The following HCRTR2 variants were observed in gnomAD, a reference collection of about 807,000 sequenced individuals.
HCRTR2 encodes orexin receptor type 2.
A neutral mutation model predicts 49.0 loss-of-function variants in HCRTR2; 22 were observed. The ratio of observed to expected loss-of-function variants is 0.45; its 90% CI spans 0.32 to 0.64. The LOEUF is 0.64. HCRTR2 is among the 30% of genes least tolerant of loss of function. The probability of loss-of-function intolerance (pLI) is 0.04; values close to 1 mark genes in which losing one functional copy is unlikely to be tolerated. For synonymous variants in HCRTR2, 236 were observed against 205.3 expected (o/e 1.15, Z -1.28); for missense variants, 491 against 559.4 (o/e 0.88, Z 1.23).
chr6:55,254,980 CT>C (rs1237809110), intron 2 of HCRTR2, among the ~76,000 whole-genome samples, 155 bp from the exon 3 acceptor site: 1 of 151,956 alleles, frequency 6.6e-6, no homozygotes, highest in Non-Finnish European at 1.5e-5. Flanking sequence ...GATATAATTT[CT>C]TTTTAAATAG....
intron 1 of HCRTR2, among the ~76,000 whole-genome samples, chr6:55,223,415 C>A (rs1031523492): frequency 3.9e-5 from 6 of 152,120 alleles, no homozygotes; most frequent in African/African-American, 9.7e-5. Context: ...AATACAGCAT[C>A]GCTTTTAAAA....
chr6:55,181,211 A>C (rs758776782), intron 1 of HCRTR2, among the ~76,000 whole-genome samples: 5 of 152,158 alleles, frequency 3.3e-5, no homozygotes, highest in Non-Finnish European at 7.4e-5. Context: ...AATGACCTTT[A>C]GATACTGACT....
intron 1 of HCRTR2, among the ~76,000 whole-genome samples, chr6:55,145,394 T>TG (rs761107214): frequency 1.2e-3 from 16 of 13,426 alleles, no homozygotes; most frequent in East Asian, 0.036. Context: ...ACATTCTTTG[T>TG]TTTTTTTTTT....
intron 1 of HCRTR2, among the ~76,000 whole-genome samples, chr6:55,218,236 A>T (rs1487387815): frequency 6.6e-6 from 1 of 152,182 alleles, no homozygotes; most frequent in Non-Finnish European, 1.5e-5. Context: ...ATACTGTTAC[A>T]TTGGGGATGA....
At chr6:55,156,867 G>T (rs1311909789) in intron 1 of HCRTR2, among the ~76,000 whole-genome samples, 1 of 151,936 alleles carries the variant, frequency 6.6e-6, no homozygotes, top group Non-Finnish European at 1.5e-5. Flanking sequence ...CACAGACTAG[G>T]AATAGAAGGG....
chr6:55,206,201 T>G (rs568842226), intron 1 of HCRTR2, among the ~76,000 whole-genome samples: 1 of 152,102 alleles, frequency 6.6e-6, no homozygotes, highest in East Asian at 1.9e-4. Flanking sequence ...GAGTTATGGC[T>G]CAAGAGCTTT....
At chr6:55,121,922 C>CT (rs146134393) in intron 1 of HCRTR2, among the ~76,000 whole-genome samples, 1 of 152,006 alleles carries the variant, frequency 6.6e-6, no homozygotes, top group African/African-American at 2.4e-5. Flanking sequence ...CTAAAATTCT[C>CT]TTTTTTGTTG....
chr6:55,144,099 CTT>C (rs530138605), intron 1 of HCRTR2, among the ~76,000 whole-genome samples: 4 of 85,384 alleles, frequency 4.7e-5, no homozygotes, highest in African/African-American at 2.4e-4. Flanking sequence ...CCCGTCCTGC[CTT>C]TTTTTTTTTT....
At chr6:55,260,842 A>G (rs1766740887) in intron 3 of HCRTR2, among the ~76,000 whole-genome samples, 1 of 152,180 alleles carries the variant, frequency 6.6e-6, no homozygotes, top group South Asian at 2.1e-4. Flanking sequence ...CATCATGCTT[A>G]TTATTGATTA....
rs80351984 is a variant in HCRTR2 at position 55,254,198 on chromosome 6, A to G, written c.403-938A>G. On this transcript the variant is annotated intron_variant, in intron 2 of 6. Coordinates refer to ENST00000370862, the MANE Select transcript of HCRTR2 (RefSeq NM_001384272.1). ...AAGCAAATTAAGCAAATAATTTACT[A>G]CATTATACATGCTGAAAGAAAAATA... 7.9e-5 allele frequency among the ~76,000 whole-genome samples: 12 copies of G among 152,068 alleles called. No individual in the cohort carries two copies. The East Asian group carries it at 2.3e-3, about 29-fold the overall frequency.
intron 1 of HCRTR2, among the ~76,000 whole-genome samples, chr6:55,219,226 C>CT (rs1163360397): frequency 6.6e-6 from 1 of 152,200 alleles, no homozygotes; most frequent in Non-Finnish European, 1.5e-5. Flanking sequence ...AAAATTCCAT[C>CT]TAACAGCACC....
chr6:55,231,020 C>A (rs1438283231), intron 1 of HCRTR2, among the ~76,000 whole-genome samples: 1 of 152,042 alleles, frequency 6.6e-6, no homozygotes, highest in Non-Finnish European at 1.5e-5. Flanking sequence ...TACCCATAGG[C>A]CCTTGCTATT....
intron 5 of HCRTR2, among the ~76,000 whole-genome samples, chr6:55,278,282 A>T (rs1767118373): frequency 6.6e-6 from 1 of 152,174 alleles, no homozygotes; most frequent in African/African-American, 2.4e-5. Flanking sequence ...TACACACTAA[A>T]CTTCATGGCC....
intron 1 of HCRTR2, among the ~76,000 whole-genome samples, chr6:55,113,479 A>T (rs1396763590): frequency 1.3e-5 from 2 of 152,118 alleles, no homozygotes; most frequent in Admixed American, 1.3e-4. Context: ...GGACATGAAT[A>T]GACATTTCTC....
intron 6 of HCRTR2, among the ~76,000 whole-genome samples, chr6:55,280,829 T>C (rs1186544998): frequency 2.0e-5 from 3 of 152,196 alleles, no homozygotes; most frequent in African/African-American, 7.2e-5. Flanking sequence ...AGAATTGGGA[T>C]CTATTCACTT....
chr6:55,175,447 G>T (rs1765022924), intron 1 of HCRTR2, among the ~76,000 whole-genome samples: 1 of 151,982 alleles, frequency 6.6e-6, no homozygotes. Flanking sequence ...GGGCATCGGA[G>T]AAAAGTACCA....
chr6:55,244,818 A>T (rs1766399852), intron 1 of HCRTR2, among the ~76,000 whole-genome samples: 1 of 152,056 alleles, frequency 6.6e-6, no homozygotes, highest in Admixed American at 6.6e-5. Context: ...TCTTTAATCC[A>T]TCTTCAGTTG....
chr6:55,112,886 A>T (rs1447499424), intron 1 of HCRTR2, among the ~76,000 whole-genome samples: 1 of 152,090 alleles, frequency 6.6e-6, no homozygotes, highest in African/African-American at 2.4e-5. Flanking sequence ...CTATACTACA[A>T]GGCTATAGTC....
chr6:55,171,006 A>G (rs995175366), upstream of HCRTR2, among the ~76,000 whole-genome samples: 1 of 151,882 alleles, frequency 6.6e-6, no homozygotes, highest in Non-Finnish European at 1.5e-5. Context: ...GTTGGTTCCA[A>G]GTCTTTGCTA....
Sources: allele counts gnomAD v4.1 joint callset (sites outside exome capture counted in the v4.1 genomes callset), GRCh38; gene constraint gnomAD v4.1.1; transcripts MANE v1.5; gene names NCBI Gene and HGNC (gene_info 2026-07-23, HGNC 2026-07-21).